LRRTM4: variants seen among roughly 807,000 people sequenced by gnomAD.
LRRTM4 encodes the protein leucine-rich repeat transmembrane neuronal protein 4.
LRRTM4 carries 25 observed loss-of-function variants against 47.6 expected under a neutral mutation model. The ratio of observed to expected loss-of-function variants is 0.53; its 90% CI spans 0.38 to 0.73. The LOEUF is 0.73. Among genes scored for constraint, LRRTM4 ranks in the 30% least tolerant of loss-of-function variants. LRRTM4 has a pLI of 0.00. For missense variants in LRRTM4, 638 were observed against 713.4 expected (o/e 0.89, Z 1.20); for synonymous variants, 311 against 269.5 (o/e 1.15, Z -1.51).
At chr2:76,781,073 G>A (rs552126298) in intron 3 of LRRTM4, among the ~76,000 whole-genome samples, 1 of 80,606 alleles carries the variant, frequency 1.2e-5, no homozygotes, top group Non-Finnish European at 3.3e-5. Flanking sequence ...AGGCTGTTCT[G>A]GGGTCAGGGA....
intron 3 of LRRTM4, among the ~76,000 whole-genome samples, chr2:77,241,813 T>G (rs1472929035): frequency 6.6e-6 from 1 of 152,138 alleles, no homozygotes; most frequent in East Asian, 1.9e-4. Context: ...TATGTTTAGA[T>G]CTTTGGTCCA....
chr2:77,472,345 AAC>A (rs1384889798), intron 3 of LRRTM4, among the ~76,000 whole-genome samples: 1 of 152,188 alleles, frequency 6.6e-6, no homozygotes, highest in Non-Finnish European at 1.5e-5. Flanking sequence ...TCTAAACAGA[AAC>A]ACATGGAAAG....
chr2:77,018,054 T>A (rs1281375957), intron 3 of LRRTM4, among the ~76,000 whole-genome samples: 1 of 151,964 alleles, frequency 6.6e-6, no homozygotes, highest in African/African-American at 2.4e-5. Flanking sequence ...TGACTTCTTT[T>A]TATAGCTTTG....
At chr2:77,430,547 C>T (rs1356110081) in intron 3 of LRRTM4, among the ~76,000 whole-genome samples, 1 of 151,248 alleles carries the variant, frequency 6.6e-6, no homozygotes, top group Non-Finnish European at 1.5e-5. Context: ...CACGGAGAAA[C>T]CCTGTCTCTA....
intron 3 of LRRTM4, among the ~76,000 whole-genome samples, chr2:77,265,303 A>G (rs1047734876): frequency 3.9e-5 from 6 of 152,108 alleles, no homozygotes; most frequent in South Asian, 2.1e-4. Context: ...GCTATCCCCA[A>G]TACAACAGTG....
intron 3 of LRRTM4, chr2:77,518,076 A>T (rs1236500170): frequency 1.6e-6 from 2 of 1,249,386 alleles, no homozygotes; most frequent in African/African-American, 3.1e-5. Context: ...GTTTTAACAT[A>T]GTGCTTTATT....
rs988869328 is a variant in LRRTM4, at chr2:76,772,657, T to C, written c.1552-23741A>G. On this transcript the variant is annotated intron_variant, in intron 3 of 3. Transcript: ENST00000409884. The stretch of plus-strand genomic sequence containing the variant: ...TTACAATTTGAATTTCTTTCTCCAC[T>C]CCTTTGAGGTACAGTAGTGCCCACT... Among the ~76,000 whole-genome samples the C allele has an allele frequency of 2.6e-5, 4 of 152,162 alleles. No individual in the cohort carries two copies. The South Asian group carries it at 8.3e-4, about 32-fold the overall frequency.
chr2:76,847,701 A>T (rs1480384719), intron 3 of LRRTM4, among the ~76,000 whole-genome samples: 2 of 150,408 alleles, frequency 1.3e-5, no homozygotes, highest in Admixed American at 1.3e-4. Flanking sequence ...ATTTGTAAAC[A>T]TTCCATAGAC....
chr2:77,352,366 C>T (rs192563746), intron 3 of LRRTM4, among the ~76,000 whole-genome samples: 1 of 152,202 alleles, frequency 6.6e-6, no homozygotes, highest in Non-Finnish European at 1.5e-5. Flanking sequence ...TAAATTCAAG[C>T]TCTCTCTCAG....
intron 3 of LRRTM4, among the ~76,000 whole-genome samples, chr2:76,932,193 G>A (rs1674792381): frequency 6.6e-6 from 1 of 152,052 alleles, no homozygotes. Flanking sequence ...CTCCTTAGTA[G>A]CTAGACTTTA....
intron 3 of LRRTM4, among the ~76,000 whole-genome samples, chr2:77,438,657 C>T (rs980553053): frequency 5.3e-5 from 8 of 152,158 alleles, no homozygotes; most frequent in African/African-American, 1.7e-4. Context: ...CTGCCTGCCT[C>T]GGCCTCCCAA....
intron 3 of LRRTM4, among the ~76,000 whole-genome samples, chr2:76,807,438 G>GTATATACATATATATATATACATA (rs1558667475): frequency 4.6e-5 from 3 of 65,188 alleles, no homozygotes; most frequent in African/African-American, 2.2e-4. Flanking sequence ...ATATATATAC[G>GTATATACATATATATATATACATA]TATATACATA....
intron 3 of LRRTM4, among the ~76,000 whole-genome samples, chr2:77,244,684 T>C (rs1168537557): frequency 1.3e-5 from 2 of 152,176 alleles, no homozygotes; most frequent in Non-Finnish European, 2.9e-5. Context: ...GCAAAAGTTA[T>C]GGAAAATCAT....
chr2:77,298,475 G>C (rs1188520265), intron 3 of LRRTM4, among the ~76,000 whole-genome samples: 1 of 152,208 alleles, frequency 6.6e-6, no homozygotes, highest in Non-Finnish European at 1.5e-5. Context: ...CTGACCTCAT[G>C]ATCCGCCCGC....
chr2:77,186,223 A>T (rs575036632), intron 3 of LRRTM4, among the ~76,000 whole-genome samples: 1 of 152,194 alleles, frequency 6.6e-6, no homozygotes, highest in East Asian at 1.9e-4. Context: ...GTCCACATCC[A>T]ATCTTTCTGC....
intron 3 of LRRTM4, among the ~76,000 whole-genome samples, chr2:77,093,913 C>A (rs572545105): frequency 2.0e-5 from 3 of 151,124 alleles, no homozygotes; most frequent in Non-Finnish European, 2.9e-5. Context: ...GAGCACCTTG[C>A]GACCCCCACT....
chr2:77,296,583 G>T (rs1676979949), intron 3 of LRRTM4, among the ~76,000 whole-genome samples: 1 of 152,096 alleles, frequency 6.6e-6, no homozygotes, highest in Non-Finnish European at 1.5e-5. Flanking sequence ...TGGTGGCATG[G>T]TTAATTTATA....
chr2:76,893,467 C>T (rs1269267100), intron 3 of LRRTM4, among the ~76,000 whole-genome samples: 2 of 151,542 alleles, frequency 1.3e-5, no homozygotes, highest in Non-Finnish European at 3.0e-5. Flanking sequence ...TAACTAACAA[C>T]CAAATGGCTC....
At chr2:76,854,438 A>G (rs534340351) in intron 3 of LRRTM4, among the ~76,000 whole-genome samples, 3 of 152,166 alleles carry the variant, frequency 2.0e-5, no homozygotes, top group Non-Finnish European at 2.9e-5. Context: ...AACATGCACA[A>G]TGACCAAAAT....
Sources: allele counts gnomAD v4.1 joint callset (sites outside exome capture counted in the v4.1 genomes callset), GRCh38; gene constraint gnomAD v4.1.1; transcripts MANE v1.5; gene names NCBI Gene and HGNC (gene_info 2026-07-23, HGNC 2026-07-21).